The following CDK19 variants were observed in gnomAD, a reference collection of about 807,000 sequenced individuals.
The protein encoded by CDK19 is cyclin dependent kinase 19, also known as cyclin-dependent kinase 19.
CDK19 carries 20 observed loss-of-function variants against 68.3 expected under a neutral mutation model. That is an observed-to-expected ratio of 0.29 (90% CI 0.21 to 0.43). CDK19 has a LOEUF of 0.43. Among genes scored for constraint, CDK19 ranks in the 20% least tolerant of loss-of-function variants. CDK19 has a pLI of 1.00. For missense variants in CDK19, 339 were observed against 623.5 expected, an observed-to-expected ratio of 0.54 and a Z score of 4.86; for synonymous variants, 221 against 222.8, an observed-to-expected ratio of 0.99 and a Z score of 0.07.
intron 3 of CDK19, among the ~76,000 whole-genome samples, chr6:110,669,438 T>C (rs1263874284): frequency 6.6e-6 from 1 of 151,852 alleles, no homozygotes; most frequent in Non-Finnish European, 1.5e-5. Context: ...AACTGTGCCA[T>C]TGCACTCCAG....
At chr6:110,729,601 G>GCA (rs1554213571) in intron 2 of CDK19, among the ~76,000 whole-genome samples, 1 of 45,280 alleles carries the variant, frequency 2.2e-5, no homozygotes, top group Non-Finnish European at 4.8e-5. Context: ...GCTAATTTTT[G>GCA]TATTTTTTTT....
intron 1 of CDK19, among the ~76,000 whole-genome samples, chr6:110,763,054 T>C (rs150664139): frequency 6.6e-6 from 1 of 152,342 alleles, no homozygotes; most frequent in East Asian, 1.9e-4. Context: ...TATTGGGAAC[T>C]ACAACGCTTG....
intron 4 of CDK19, among the ~76,000 whole-genome samples, chr6:110,651,624 C>A (rs1780980144): frequency 6.6e-6 from 1 of 152,166 alleles, no homozygotes; most frequent in East Asian, 1.9e-4. Context: ...AATATTTTTA[C>A]AACTACACTC....
rs887843278 is a variant in CDK19, at chr6:110,755,191, C to G, written c.129-8990G>C. Among the ~76,000 whole-genome samples, 6 of 152,204 alleles carry G rather than the reference C, an allele frequency of 3.9e-5. No homozygotes were observed. In the East Asian group the frequency reaches 9.7e-4, roughly 25 times the overall value. ...AAGTAGCTGGGACTACAGGCATGCA[C>G]CACCATGCTCAGCTAATTTTTGTAT... On this transcript the variant is annotated intron_variant, in intron 1 of 12. Transcript: ENST00000368911.
chr6:110,714,271 T>C (rs1775194325), intron 2 of CDK19, among the ~76,000 whole-genome samples: 1 of 152,246 alleles, frequency 6.6e-6, no homozygotes, highest in African/African-American at 2.4e-5. Context: ...TGAATAATAT[T>C]CCCTTATATG....
intron 1 of CDK19, among the ~76,000 whole-genome samples, chr6:110,756,553 TA>T (rs757035955): frequency 0.016 from 2,310 of 140,680 alleles, 38 homozygotes; most frequent in African/African-American, 0.046. Context: ...GACCCTGTCT[TA>T]AAAAAAAAAA....
intron 1 of CDK19, among the ~76,000 whole-genome samples, chr6:110,763,449 C>T (rs563866533): frequency 3.1e-4 from 41 of 131,006 alleles, no homozygotes; most frequent in Non-Finnish European, 5.6e-4. Flanking sequence ...AGGAGTCTTG[C>T]TCTATCACCA....
rs1046151884 is a variant in CDK19, at chr6:110,667,305, T to A, written c.456+129A>T. ...AGGTTTATGGGTGATTTTTATCTTC[T>A]TTTTTGCTTATGTATATTTTCAAGT... On this transcript the variant is annotated intron_variant, in intron 4 of 12. Transcript: ENST00000368911. The A allele has an allele frequency of 5.1e-6, 3 of 588,224 alleles. No individual in the cohort carries two copies. In the African/African-American group the frequency reaches 5.8e-5, roughly 11 times the overall value. The allele number at this position is 588,224 out of a possible 1,614,324, so 36.4% of individuals were successfully genotyped here. A position where few individuals can be genotyped will look rare whatever the true frequency, so the allele number is the denominator to read the frequency against.
chr6:110,733,145 T>G (rs779470136), intron 2 of CDK19, among the ~76,000 whole-genome samples: 13 of 152,212 alleles, frequency 8.5e-5, no homozygotes, highest in East Asian at 1.9e-4. Context: ...TATTCTGATT[T>G]CTATCACAAT....
chr6:110,753,601 G>A (rs958994616), intron 1 of CDK19, among the ~76,000 whole-genome samples: 1 of 150,574 alleles, frequency 6.6e-6, no homozygotes, highest in Non-Finnish European at 1.5e-5. Context: ...TCCCAGGCTG[G>A]TCTCAAACTC....
chr6:110,622,022 G>A (rs1409800569), intron 11 of CDK19, 66 bp downstream of exon 11: 8 of 832,366 alleles, frequency 9.6e-6, no homozygotes, highest in East Asian at 7.9e-5. Flanking sequence ...ATTATGGAAC[G>A]ATACCTAAAC....
At chr6:110,672,596 T>C (rs887033140) in intron 2 of CDK19, among the ~76,000 whole-genome samples, 1 of 152,250 alleles carries the variant, frequency 6.6e-6, no homozygotes, top group Non-Finnish European at 1.5e-5. Flanking sequence ...ACAACTTTTA[T>C]TAATTGCTTA....
chr6:110,693,826 G>A (rs968195350), intron 2 of CDK19, among the ~76,000 whole-genome samples: 6 of 152,092 alleles, frequency 3.9e-5, no homozygotes, highest in Non-Finnish European at 8.8e-5. Flanking sequence ...GAAGACAAAA[G>A]ACATAAATGC....
In CDK19 at chr6:110,648,952, C is replaced by T. The variant is rs184484431; in HGVS notation, c.457-10246G>A. 9.2e-5 allele frequency among the ~76,000 whole-genome samples: 14 copies of T among 151,974 alleles called. No individual in the cohort carries two copies. In the East Asian group the frequency reaches 2.1e-3, roughly 23 times the overall value. ...CAGGCTGGTCTCGAACTCCTGACCT[C>T]GTGATCCGCTCGGCCTCCCAAAGTG... is the stretch of plus-strand genomic sequence containing the variant. On this transcript the variant is annotated intron_variant, in intron 4 of 12. Coordinates refer to ENST00000368911, the MANE Select transcript of CDK19 (RefSeq NM_015076.5).
At chr6:110,623,020 G>A in intron 9 of CDK19, 108 bp from the exon 10 acceptor site, 1 of 783,722 alleles carries the variant, frequency 1.3e-6, no homozygotes, top group East Asian at 2.5e-5. Flanking sequence ...TACATTTGGT[G>A]TAGCTCACTG....
intron 1 of CDK19, among the ~76,000 whole-genome samples, chr6:110,778,738 G>A (rs563960732): frequency 6.6e-6 from 1 of 152,280 alleles, no homozygotes; most frequent in East Asian, 1.9e-4. Context: ...CAGGTGAAGT[G>A]TACATTTCCC....
intron 4 of CDK19, among the ~76,000 whole-genome samples, chr6:110,666,164 C>T (rs949369931): frequency 6.7e-6 from 1 of 149,896 alleles, no homozygotes; most frequent in Non-Finnish European, 1.5e-5. Flanking sequence ...ACATGTAATC[C>T]CAGCACTTTG....
At chr6:110,635,873 T>C (rs1353055220) in intron 5 of CDK19, among the ~76,000 whole-genome samples, 1 of 152,206 alleles carries the variant, frequency 6.6e-6, no homozygotes, top group Non-Finnish European at 1.5e-5. Flanking sequence ...AACAACACTG[T>C]ATCAAAGCAT....
At chr6:110,744,226 C>T (rs565551480) in intron 2 of CDK19, among the ~76,000 whole-genome samples, 2 of 151,034 alleles carry the variant, frequency 1.3e-5, no homozygotes, top group South Asian at 2.1e-4. Context: ...AGGCTGGTCT[C>T]GAACTCCTGA....
Sources: gnomAD v4.1 joint callset for allele counts (sites outside exome capture counted in the v4.1 genomes callset) on GRCh38, gnomAD v4.1.1 for gene constraint, MANE v1.5 for transcripts, NCBI Gene and HGNC (gene_info 2026-07-23, HGNC 2026-07-21) for gene names.